The following UNC5C variants were observed in gnomAD, a reference collection of about 807,000 sequenced individuals.
UNC5C encodes unc-5 netrin receptor C.
Under a neutral mutation model 99.8 loss-of-function variants are expected in UNC5C, and 47 were observed. The observed-to-expected ratio is 0.47, with a 90% CI of 0.37 to 0.60. UNC5C has a LOEUF of 0.60. Ranked by LOEUF, UNC5C falls within the 20% of genes least tolerant of loss-of-function variation. The pLI, the probability that UNC5C is intolerant of heterozygous loss-of-function variation, is 0.00. For missense variants in UNC5C, 1,062 were observed against 1,165.9 expected (o/e 0.91, Z 1.30); for synonymous variants, 487 against 452.2 (o/e 1.08, Z -0.98).
chr4:95,503,117 G>A (rs924534933), intron 1 of UNC5C, among the ~76,000 whole-genome samples: 4 of 152,070 alleles, frequency 2.6e-5, no homozygotes, highest in African/African-American at 9.7e-5. Context: ...AGTATTGACA[G>A]GTGGTCTTTT....
At chr4:95,361,940 T>C (rs1744406787) in intron 1 of UNC5C, among the ~76,000 whole-genome samples, 3 of 151,164 alleles carry the variant, frequency 2.0e-5, no homozygotes, top group Admixed American at 1.3e-4. Flanking sequence ...GACGTATATA[T>C]ATAAAAAACA....
intron 14 of UNC5C, among the ~76,000 whole-genome samples, chr4:95,177,625 A>G (rs542367145): frequency 6.6e-6 from 1 of 152,270 alleles, no homozygotes; most frequent in East Asian, 1.9e-4. Flanking sequence ...ATCTTTTGCC[A>G]TGGTATGCAC....
chr4:95,264,083 G>T (rs1160759628), intron 4 of UNC5C, among the ~76,000 whole-genome samples: 1 of 152,144 alleles, frequency 6.6e-6, no homozygotes, highest in Non-Finnish European at 1.5e-5. Context: ...ACTGTGGTTT[G>T]TTTCTTTCTC....
At chr4:95,386,886 CAT>C (rs967344942) in intron 1 of UNC5C, among the ~76,000 whole-genome samples, 2 of 152,088 alleles carry the variant, frequency 1.3e-5, no homozygotes, top group Admixed American at 1.3e-4. Context: ...AGTGGACATT[CAT>C]ATGGGTTATA....
chr4:95,450,776 A>G (rs1747258958), intron 1 of UNC5C, among the ~76,000 whole-genome samples: 2 of 152,254 alleles, frequency 1.3e-5, no homozygotes, highest in South Asian at 4.1e-4. Flanking sequence ...AAATGTTTAC[A>G]TAGATATCCT....
At chr4:95,205,887 A>G (rs996288604) in intron 11 of UNC5C, among the ~76,000 whole-genome samples, 1 of 152,110 alleles carries the variant, frequency 6.6e-6, no homozygotes, top group South Asian at 2.1e-4. Flanking sequence ...CTGTTTTCCA[A>G]GGTTAAGTTC....
intron 1 of UNC5C, among the ~76,000 whole-genome samples, chr4:95,380,496 T>C (rs6842811): frequency 0.58 from 86,229 of 149,620 alleles, 25,276 homozygotes; most frequent in East Asian, 0.71. Flanking sequence ...CCCAGGCTGG[T>C]CTCGAACTCC....
chr4:95,497,408 C>T (rs1449406043), intron 1 of UNC5C, among the ~76,000 whole-genome samples: 1 of 151,948 alleles, frequency 6.6e-6, no homozygotes, highest in Non-Finnish European at 1.5e-5. Flanking sequence ...TTCTATTCTA[C>T]ACTTACTTCA....
At chr4:95,264,490 C>T (rs1740366385) in intron 4 of UNC5C, among the ~76,000 whole-genome samples, 1 of 152,004 alleles carries the variant, frequency 6.6e-6, no homozygotes, top group African/African-American at 2.4e-5. Flanking sequence ...AAGATATCAA[C>T]TCCCCCAATG....
chr4:95,318,955 G>A (rs758626617), intron 2 of UNC5C, among the ~76,000 whole-genome samples: 3 of 152,112 alleles, frequency 2.0e-5, no homozygotes, highest in Non-Finnish European at 4.4e-5. Context: ...AAGCATACTC[G>A]TTTTCCCCCA....
chr4:95,288,193 C>T (rs1440836957), intron 3 of UNC5C, among the ~76,000 whole-genome samples: 2 of 152,048 alleles, frequency 1.3e-5, no homozygotes, highest in Non-Finnish European at 2.9e-5. Flanking sequence ...CACCATTCTC[C>T]TGCCTCAGCC....
At chr4:95,467,717 A>G (rs528071401) in intron 1 of UNC5C, among the ~76,000 whole-genome samples, 29 of 152,196 alleles carry the variant, frequency 1.9e-4, no homozygotes, top group Non-Finnish European at 3.7e-4. Context: ...AACCCTTCAC[A>G]TAGCCAAAAA....
chr4:95,402,417 A>G (rs1241291913), intron 1 of UNC5C, among the ~76,000 whole-genome samples: 2 of 152,204 alleles, frequency 1.3e-5, no homozygotes, highest in African/African-American at 4.8e-5. Flanking sequence ...CTTATTTTGT[A>G]TAATCAGCAC....
In UNC5C at chr4:95,267,949, A is replaced by ATTTTTTTTTTTTTTTTTTTTTTTTTTT. The variant is rs869293955; in HGVS notation, c.594+10309_594+10310insAAAAAAAAAAAAAAAAAAAAAAAAAAA. Among the ~76,000 whole-genome samples the ATTTTTTTTTTTTTTTTTTTTTTTTTTT allele has an allele frequency of 2.3e-4, 27 of 117,562 alleles. 2 individuals are homozygous for ATTTTTTTTTTTTTTTTTTTTTTTTTTT. Among genetic ancestry groups the ATTTTTTTTTTTTTTTTTTTTTTTTTTT allele is most frequent in the African/African-American group, 7.9e-4 (23 of 29,160 alleles). The allele number at this position is 117,562 out of a possible 152,430, so 77.1% of individuals were successfully genotyped here. A position where few individuals can be genotyped will look rare whatever the true frequency, so the allele number is the denominator to read the frequency against. On this transcript the variant is annotated intron_variant, in intron 4 of 15. Coordinates refer to ENST00000453304, the MANE Select transcript of UNC5C (RefSeq NM_003728.4). Reference sequence around the variant, plus strand: ...ATGATCCTGTAGGCTGAATTTTGTGATTTTTTTTTTTTTTTTTTGAGACGG... The same window carrying ATTTTTTTTTTTTTTTTTTTTTTTTTTT: ...ATGATCCTGTAGGCTGAATTTTGTGATTTTTTTTTTTTTTTTTTTTTTTTTTTTTTTTTTTTTTTTTTTTTGAGACGG...
chr4:95,541,516 G>A (rs1033988466), intron 1 of UNC5C, among the ~76,000 whole-genome samples: 9 of 152,136 alleles, frequency 5.9e-5, no homozygotes, highest in African/African-American at 2.2e-4. Flanking sequence ...TTTATATCAC[G>A]TACCCCATTA....
chr4:95,367,280 C>G (rs1038189614), intron 1 of UNC5C, among the ~76,000 whole-genome samples: 1 of 151,522 alleles, frequency 6.6e-6, no homozygotes, highest in African/African-American at 2.4e-5. Flanking sequence ...GTGATTCTCC[C>G]ACCTTAGCCT....
chr4:95,218,981 C>G lies in UNC5C; in HGVS notation c.1633G>C (p.Val545Leu). 1.2e-6 allele frequency: 2 copies of G among 1,606,924 alleles called. No homozygotes were observed. The highest frequency in any genetic ancestry group is 1.7e-6 in the Non-Finnish European group (2 of 1,175,240). ...SFNSLGGHLI[V>L]PNSGVSLLIP... ...CTCTAGGAATTACCTGAATTGGGAA[C>G]AATAAGGTGACCTCCCAGCGAGTTG... is the stretch of plus-strand genomic sequence containing the variant. The change falls in exon 9 of 16, where the codon GTT (valine) becomes CTT (leucine). Residue 545 changes from valine to leucine, a missense_variant. By Grantham distance (32) the Val-to-Leu change is conservative. Coordinates refer to ENST00000453304, the MANE Select transcript of UNC5C (RefSeq NM_003728.4).
intron 1 of UNC5C, among the ~76,000 whole-genome samples, chr4:95,490,592 G>T (rs4699428): frequency 0.087 from 13,216 of 151,614 alleles, 623 homozygotes; most frequent in African/African-American, 0.1. Context: ...TAAAAGATCA[G>T]CATAACCACA....
intron 1 of UNC5C, among the ~76,000 whole-genome samples, chr4:95,406,107 T>G (rs1745823546): frequency 6.6e-6 from 1 of 152,196 alleles, no homozygotes; most frequent in Non-Finnish European, 1.5e-5. Flanking sequence ...GATCACTGCT[T>G]TAATGTCACG....
Sources: gnomAD v4.1 joint callset for allele counts (sites outside exome capture counted in the v4.1 genomes callset) on GRCh38, gnomAD v4.1.1 for gene constraint, MANE v1.5 for transcripts, NCBI Gene and HGNC (gene_info 2026-07-23, HGNC 2026-07-21) for gene names.